Variants in PUM1 observed in about 807,000 individuals in gnomAD.
PUM1 encodes the protein pumilio RNA binding family member 1, also known as pumilio homolog 1.
In PUM1, 13 loss-of-function variants were observed where a neutral mutation model predicts 131.8. The ratio of observed to expected loss-of-function variants is 0.10; its 90% CI spans 0.06 to 0.16. PUM1 has a LOEUF of 0.16. Among genes scored for constraint, PUM1 ranks in the 10% least tolerant of loss-of-function variants. The probability of loss-of-function intolerance (pLI) is 1.00; values close to 1 mark genes in which losing one functional copy is unlikely to be tolerated. For missense variants in PUM1, 961 were observed against 1,512.4 expected, an observed-to-expected ratio of 0.64 and a Z score of 6.05; for synonymous variants, 509 against 556.5, an observed-to-expected ratio of 0.91 and a Z score of 1.20.
intron 2 of PUM1, among the ~76,000 whole-genome samples, chr1:31,043,027 A>C (rs1387538796): frequency 6.6e-6 from 1 of 152,036 alleles, no homozygotes; most frequent in African/African-American, 2.4e-5. Context: ...GCCAGAAACA[A>C]TTATCTTTAT....
At chr1:30,960,051 T>C (rs1241143344) in intron 14 of PUM1, among the ~76,000 whole-genome samples, 2 of 152,174 alleles carry the variant, frequency 1.3e-5, no homozygotes, top group African/African-American at 4.8e-5. Flanking sequence ...TTATGCTTAA[T>C]GGTAAAAGAC....
At chr1:30,979,667 G>A (rs1366261390) in intron 9 of PUM1, among the ~76,000 whole-genome samples, 1 of 152,146 alleles carries the variant, frequency 6.6e-6, no homozygotes, top group Non-Finnish European at 1.5e-5. Flanking sequence ...TCATTTTCTT[G>A]AACAATTTAG....
At chr1:31,056,692 T>A (rs1430202061) in intron 2 of PUM1, among the ~76,000 whole-genome samples, 2 of 140,322 alleles carry the variant, frequency 1.4e-5, no homozygotes, top group African/African-American at 5.4e-5. Context: ...AGTGGCATGA[T>A]CTCTGTTCAC....
In PUM1 at chr1:30,974,708, T is replaced by G; in HGVS notation, c.1449A>C (p.Ala483=). The G allele has an allele frequency of 6.2e-7, 1 of 1,611,646 alleles. No individual in the cohort carries two copies. Among genetic ancestry groups the G allele is most frequent in the Non-Finnish European group, 8.5e-7 (1 of 1,179,444 alleles). Residue 483 remains alanine (A), a synonymous_variant, in exon 10 of 22, where the codon GCA becomes GCC. Transcript: ENST00000426105. The stretch of plus-strand genomic sequence containing the variant: ...TCTGTTGATTAGCTGAATTAGTTGC[T>G]GCAGCGGCAGCGGCAGCTTGCTGCT... ...LFQQQAAAAA[A]ATNSANQQTT... is the part of the protein sequence containing the mutation.
intron 12 of PUM1, 44 bp from the exon 13 acceptor site, chr1:30,966,322 C>T (rs1640618097): frequency 6.6e-7 from 1 of 1,509,402 alleles, no homozygotes; most frequent in Non-Finnish European, 8.9e-7. Flanking sequence ...AAGGGACTGG[C>T]CACATTTCCA....
chr1:31,021,515 G>C (rs1643026036), intron 3 of PUM1, among the ~76,000 whole-genome samples: 1 of 152,130 alleles, frequency 6.6e-6, no homozygotes, highest in Admixed American at 6.5e-5. Flanking sequence ...CACATTATTA[G>C]CTGAAGCCCC....
At position 30,933,047 on chromosome 1, in the gene PUM1, C is replaced by G. The variant is rs1639022778; in HGVS notation, c.*164G>C. ...TGTAATAAAATTAAATTTACAAAGGCTTTTCCACTCGTGGATTTGATTCCT... is the reference window on the plus strand; with the variant it reads ...TGTAATAAAATTAAATTTACAAAGGGTTTTCCACTCGTGGATTTGATTCCT... On this transcript the variant is annotated 3_prime_UTR_variant, in exon 22 of 22. Transcript: ENST00000426105. 2.5e-6 allele frequency: 2 copies of G among 814,290 alleles called. No homozygotes were observed. Among genetic ancestry groups the G allele is most frequent in the Admixed American group, 3.3e-5 (1 of 30,204 alleles). The allele number at this position is 814,290 out of a possible 1,614,324, so 50.4% of individuals were successfully genotyped here.
At chr1:31,039,206 C>T (rs1315782968) in intron 2 of PUM1, among the ~76,000 whole-genome samples, 1 of 140,832 alleles carries the variant, frequency 7.1e-6, no homozygotes, top group Non-Finnish European at 1.5e-5. Context: ...CTGTTACCCA[C>T]GCTAACAAAA....
At position 30,966,009 on chromosome 1, in the gene PUM1, A is replaced by T. The variant is rs746011422; in HGVS notation, c.2059T>A (p.Ser687Thr). Residue 687 changes from serine to threonine, a missense_variant, in exon 13 of 22, where the codon TCC (serine) becomes ACC (threonine). Ser to Thr is a moderately conservative substitution (Grantham distance 58). Around this residue, in one of 4 missense-constraint regions of PUM1, gnomAD observed 654 missense variants for 923.9 expected, o/e 0.71. Transcript: ENST00000426105. ...GCTGTTCCAAACCCTCCAAGGGCGG[A>T]TCCCAGGGTGGCGCCGAGAGAACTG... Reference protein sequence around the residue: ...SSSSLGATLGSALGGFGTAVA... With the variant: ...SSSSLGATLGTALGGFGTAVA... The T allele has an allele frequency of 2.5e-6, 4 of 1,613,956 alleles. No homozygotes were observed. The Admixed American group carries it at 6.7e-5, about 27-fold the overall frequency.
chr1:30,933,156 T>G lies in PUM1; in HGVS notation c.*55A>C, dbSNP rs1022627407. 3.2e-6 allele frequency: 5 copies of G among 1,562,158 alleles called. No homozygotes were observed. In the African/African-American group the frequency reaches 6.9e-5, roughly 21 times the overall value. ...GAACATTTCTGGTTGCTGGTTGGAT[T>G]TGCCAGTGGGCCAGTGAGGTCAGCG... On this transcript the variant is annotated 3_prime_UTR_variant, in exon 22 of 22. Transcript: ENST00000426105.
intron 14 of PUM1, among the ~76,000 whole-genome samples, chr1:30,962,569 C>T (rs1432845624): frequency 6.6e-6 from 1 of 152,138 alleles, no homozygotes; most frequent in East Asian, 1.9e-4. Context: ...CGCCACCATG[C>T]CTGGCTAATT....
intron 5 of PUM1, among the ~76,000 whole-genome samples, chr1:31,000,610 C>G (rs1485132862): frequency 6.6e-6 from 1 of 152,156 alleles, no homozygotes; most frequent in Non-Finnish European, 1.5e-5. Context: ...CAGAAGATTT[C>G]AAATCTATTT....
At chr1:31,006,357 T>C (rs1642401533) in intron 4 of PUM1, among the ~76,000 whole-genome samples, 1 of 152,208 alleles carries the variant, frequency 6.6e-6, no homozygotes, top group Non-Finnish European at 1.5e-5. Context: ...CAAAATATGA[T>C]TTTACTGCCC....
intron 2 of PUM1, among the ~76,000 whole-genome samples, chr1:31,040,640 C>A (rs1343677804): frequency 6.6e-6 from 1 of 152,036 alleles, no homozygotes; most frequent in African/African-American, 2.4e-5. Flanking sequence ...GCTGGGCATG[C>A]GAAGGCATAT....
chr1:31,033,444 C>G (rs1271623356), intron 2 of PUM1, among the ~76,000 whole-genome samples: 1 of 139,640 alleles, frequency 7.2e-6, no homozygotes, highest in Non-Finnish European at 1.5e-5. Context: ...GGACTGCGGA[C>G]TGCAGTGGCG....
Position 30,945,360 on chromosome 1 carries a change from C to T in PUM1, c.2980G>A (p.Ala994Thr). ...QPQSLQFIID[A>T]FKGQVFALST... ...GGGTCACTTACCTGTCCCTTAAACGCATCGATGATAAATTGCAAAGACTGG... is the reference window on the plus strand; with the variant it reads ...GGGTCACTTACCTGTCCCTTAAACGTATCGATGATAAATTGCAAAGACTGG... Residue 994 changes from alanine (A) to threonine (T), a missense_variant, in exon 18 of 22, where the codon GCG becomes ACG. Physicochemically the swap from Ala to Thr is moderately conservative, Grantham distance 58 (BLOSUM62 0). Coordinates refer to ENST00000426105, the MANE Select transcript of PUM1 (RefSeq NM_001020658.2). 1 of 1,614,204 alleles carries T rather than the reference C, an allele frequency of 6.2e-7. No homozygotes were observed. Among genetic ancestry groups the T allele is most frequent in the Non-Finnish European group, 8.5e-7 (1 of 1,180,030 alleles).
chr1:31,007,382 G>A (rs1198099272), intron 3 of PUM1, among the ~76,000 whole-genome samples: 1 of 152,162 alleles, frequency 6.6e-6, no homozygotes, highest in African/African-American at 2.4e-5. Flanking sequence ...CTTAACCCAT[G>A]CCAAGATTTT....
intron 2 of PUM1, among the ~76,000 whole-genome samples, chr1:31,038,297 G>T (rs969966588): frequency 6.6e-6 from 1 of 151,988 alleles, no homozygotes; most frequent in Non-Finnish European, 1.5e-5. Context: ...TGAGGGGGTA[G>T]AAATTATTTA....
chr1:31,054,716 G>T (rs1168727258), intron 2 of PUM1, among the ~76,000 whole-genome samples: 1 of 152,108 alleles, frequency 6.6e-6, no homozygotes, highest in East Asian at 1.9e-4. Flanking sequence ...TACTGCTTTT[G>T]GGAGTTGGGG....
Sources: allele counts gnomAD v4.1 joint callset (sites outside exome capture counted in the v4.1 genomes callset), GRCh38; gene constraint gnomAD v4.1.1; regional missense constraint gnomAD v4.1.1; transcripts MANE v1.5; gene names NCBI Gene and HGNC (gene_info 2026-07-23, HGNC 2026-07-21).